KCNT2: variants seen among roughly 807,000 people sequenced by gnomAD.
KCNT2 encodes the protein potassium channel subfamily T member 2.
In KCNT2, 67 loss-of-function variants were observed where a neutral mutation model predicts 153.8. The observed-to-expected ratio is 0.44, with a 90% CI of 0.36 to 0.53. The LOEUF is 0.53. Among genes scored for constraint, KCNT2 ranks in the 20% least tolerant of loss-of-function variants. The pLI, the probability that KCNT2 is intolerant of heterozygous loss-of-function variation, is 0.00. For missense variants in KCNT2, 975 were observed against 1,354.8 expected (o/e 0.72, Z 4.40); for synonymous variants, 500 against 458.8 (o/e 1.09, Z -1.15).
intron 1 of KCNT2, among the ~76,000 whole-genome samples, chr1:196,591,242 C>T (rs1663322103): frequency 6.6e-6 from 1 of 152,002 alleles, no homozygotes; most frequent in Non-Finnish European, 1.5e-5. Context: ...TCTCTTGCTC[C>T]CTCTCTTGCC....
intron 8 of KCNT2, among the ~76,000 whole-genome samples, chr1:196,446,535 C>T (rs1304520528): frequency 6.6e-6 from 1 of 151,412 alleles, no homozygotes; most frequent in South Asian, 2.1e-4. Flanking sequence ...TCACTCTACT[C>T]ATAGGAGGTA....
In KCNT2 at chr1:196,512,716, T is replaced by C. The variant is rs77476094; in HGVS notation, c.96-20375A>G. On this transcript the variant is annotated intron_variant, in intron 1 of 27. Coordinates refer to ENST00000294725, the MANE Select transcript of KCNT2 (RefSeq NM_198503.5). ...AACTTGACTTCAAATTAAAATTTAT[T>C]TTCAACCAAGATGCAGTGAAACAAA... Among the ~76,000 whole-genome samples the C allele has an allele frequency of 1.3e-3, 199 of 152,320 alleles. 2 individuals are homozygous for C. The East Asian group carries it at 0.037, about 28-fold the overall frequency.
intron 13 of KCNT2, among the ~76,000 whole-genome samples, chr1:196,392,312 T>C (rs1045823532): frequency 2.0e-5 from 3 of 151,138 alleles, no homozygotes; most frequent in Non-Finnish European, 4.4e-5. Flanking sequence ...AACATGGCCT[T>C]ATGTTAAGTA....
At chr1:196,255,127 G>A (rs1656355800) in intron 26 of KCNT2, among the ~76,000 whole-genome samples, 1 of 151,592 alleles carries the variant, frequency 6.6e-6, no homozygotes, top group African/African-American at 2.4e-5. Context: ...ATGTTCGTGA[G>A]CGTGAGAGTC....
intron 14 of KCNT2, among the ~76,000 whole-genome samples, chr1:196,356,435 A>C (rs1233618596): frequency 1.3e-5 from 2 of 151,770 alleles, no homozygotes; most frequent in Non-Finnish European, 2.9e-5. Context: ...AAAATGACTA[A>C]ATAAATGACC....
chr1:196,287,996 G>A (rs1246706481), intron 22 of KCNT2, among the ~76,000 whole-genome samples: 2 of 152,030 alleles, frequency 1.3e-5, no homozygotes, highest in Non-Finnish European at 2.9e-5. Context: ...TCTTTTAGTA[G>A]AAAAGCCAGA....
At chr1:196,435,161 A>ATT (rs914124943) in intron 8 of KCNT2, among the ~76,000 whole-genome samples, 6 of 116,582 alleles carry the variant, frequency 5.1e-5, no homozygotes, top group Non-Finnish European at 1.0e-4. Context: ...ATATATATAT[A>ATT]TATATATATA....
intron 1 of KCNT2, among the ~76,000 whole-genome samples, chr1:196,509,542 T>C (rs1681441809): frequency 6.6e-6 from 1 of 152,208 alleles, no homozygotes; most frequent in African/African-American, 2.4e-5. Context: ...AATAACTTAT[T>C]TACAGATGCA....
At chr1:196,464,237 T>A (rs1328171281) in intron 8 of KCNT2, among the ~76,000 whole-genome samples, 1 of 151,794 alleles carries the variant, frequency 6.6e-6, no homozygotes, top group Non-Finnish European at 1.5e-5. Flanking sequence ...GCTAGGTGAA[T>A]CATAAAGACA....
chr1:196,465,664 G>A, intron 7 of KCNT2, among the ~76,000 whole-genome samples: 1 of 151,954 alleles, frequency 6.6e-6, no homozygotes, highest in Non-Finnish European at 1.5e-5. Context: ...CTGAACAGGT[G>A]TTGCACTTAC....
At chr1:196,413,205 G>C (rs1158810363) in intron 12 of KCNT2, among the ~76,000 whole-genome samples, 1 of 151,340 alleles carries the variant, frequency 6.6e-6, no homozygotes, top group Non-Finnish European at 1.5e-5. Context: ...ATCAACATGG[G>C]GACAAGTTTG....
chr1:196,569,514 T>C (rs1660516376), intron 1 of KCNT2, among the ~76,000 whole-genome samples: 1 of 152,162 alleles, frequency 6.6e-6, no homozygotes, highest in South Asian at 2.1e-4. Flanking sequence ...GGTCACAACA[T>C]TAGGATAAAG....
At chr1:196,270,680 T>C (rs754037289) in intron 25 of KCNT2, among the ~76,000 whole-genome samples, 32 of 152,026 alleles carry the variant, frequency 2.1e-4, no homozygotes, top group Non-Finnish European at 3.8e-4. Flanking sequence ...ATTACCAAAA[T>C]ATATAGTCTA....
At chr1:196,585,207 A>C (rs1558107219) in intron 1 of KCNT2, among the ~76,000 whole-genome samples, 1 of 152,152 alleles carries the variant, frequency 6.6e-6, no homozygotes, top group Non-Finnish European at 1.5e-5. Flanking sequence ...AAGAAAGCTC[A>C]GTAGTGAGGA....
At chr1:196,293,069 G>C (rs2147926735) in intron 22 of KCNT2, among the ~76,000 whole-genome samples, 1 of 151,836 alleles carries the variant, frequency 6.6e-6, no homozygotes, top group African/African-American at 2.4e-5. Context: ...AATCAAAGAG[G>C]TAAAAGATCT....
At chr1:196,591,452 C>G (rs972964024) in intron 1 of KCNT2, among the ~76,000 whole-genome samples, 1 of 152,074 alleles carries the variant, frequency 6.6e-6, no homozygotes, top group African/African-American at 2.4e-5. Context: ...CATATACCAC[C>G]CCCGCACCAA....
At chr1:196,464,070 AT>A (rs1322120154) in intron 8 of KCNT2, among the ~76,000 whole-genome samples, 1 of 151,880 alleles carries the variant, frequency 6.6e-6, no homozygotes, top group African/African-American at 2.4e-5. Context: ...TACATACATA[AT>A]TTTTTTAAAA....
At chr1:196,379,589 C>CTA (rs1669298231) in intron 13 of KCNT2, among the ~76,000 whole-genome samples, 1 of 151,662 alleles carries the variant, frequency 6.6e-6, no homozygotes, top group Non-Finnish European at 1.5e-5. Context: ...CTCTCTCTCT[C>CTA]TCTCTCTCTC....
rs375073578 is a variant in KCNT2, at chr1:196,248,749, A to T, written c.3211+9445T>A. On this transcript the variant is annotated intron_variant, in intron 26 of 27. Coordinates refer to ENST00000294725, the MANE Select transcript of KCNT2 (RefSeq NM_198503.5). The stretch of plus-strand genomic sequence containing the variant: ...GAAGGACTAATAACAATCCTACTCA[A>T]CCTATTCCAAAAAATAGAAGAGGAA... Among the ~76,000 whole-genome samples the T allele has an allele frequency of 1.3e-4, 20 of 152,290 alleles. No individual in the cohort carries two copies. In the East Asian group the frequency reaches 2.3e-3, roughly 18 times the overall value.
Sources: gnomAD v4.1 joint callset for allele counts (sites outside exome capture counted in the v4.1 genomes callset) on GRCh38, gnomAD v4.1.1 for gene constraint, MANE v1.5 for transcripts, NCBI Gene and HGNC (gene_info 2026-07-23, HGNC 2026-07-21) for gene names.